ABI3BP: variants seen among roughly 807,000 people sequenced by gnomAD.
The protein encoded by ABI3BP is ABI family member 3 binding protein.
In ABI3BP, 216 loss-of-function variants were observed where a neutral mutation model predicts 268.6. The observed-to-expected ratio is 0.80, with a 90% CI of 0.72 to 0.90. The LOEUF (loss-of-function observed/expected upper bound fraction) is 0.90, where lower values mean the gene tolerates loss of function less well. Ranked by LOEUF, ABI3BP falls within the 40% of genes least tolerant of loss-of-function variation. ABI3BP has a pLI of 0.00. For missense variants in ABI3BP, 2,090 were observed against 2,182.4 expected (o/e 0.96, Z 0.84); for synonymous variants, 730 against 730.0 (o/e 1.00, Z 0.00).
chr3:100,838,179 G>A (rs2098633913), intron 26 of ABI3BP, 31 bp downstream of exon 26: 3 of 1,512,646 alleles, frequency 2.0e-6, no homozygotes, highest in Non-Finnish European at 2.7e-6. Context: ...AGAAAATCCT[G>A]TTAAGCTAAA....
rs186358227 is a variant in ABI3BP at position 100,938,823 on chromosome 3, G to T, written c.80-12342C>A. Among the ~76,000 whole-genome samples, 195 of 152,250 alleles carry T rather than the reference G, an allele frequency of 1.3e-3. 2 individuals are homozygous for T. The highest frequency in any genetic ancestry group is 1.2e-4 in the Non-Finnish European group (8 of 67,992). ...GAAGGAGAGTCTGTGTAAGGTGGTTGTAGAGATGAACAAAGTCATGGCCCC... is the reference window on the plus strand; with the variant it reads ...GAAGGAGAGTCTGTGTAAGGTGGTTTTAGAGATGAACAAAGTCATGGCCCC... On this transcript the variant is annotated intron_variant, in intron 1 of 67. Transcript: ENST00000471714.
intron 67 of ABI3BP, 63 bp from the exon 68 acceptor site, chr3:100,750,673 T>C: frequency 4.2e-6 from 5 of 1,197,190 alleles, no homozygotes; most frequent in African/African-American, 1.5e-5. Context: ...TCACAGCTCA[T>C]AGATTGAAGG....
At chr3:100,929,324 G>C (rs976176493) in intron 1 of ABI3BP, among the ~76,000 whole-genome samples, 1 of 152,040 alleles carries the variant, frequency 6.6e-6, no homozygotes, top group Non-Finnish European at 1.5e-5. Flanking sequence ...AAGGAAGGCT[G>C]TTCCATTTTT....
intron 39 of ABI3BP, among the ~76,000 whole-genome samples, chr3:100,820,782 A>G (rs1294705195): frequency 1.3e-5 from 2 of 152,244 alleles, no homozygotes; most frequent in Non-Finnish European, 2.9e-5. Flanking sequence ...TAACAAAAAA[A>G]TTGGTTAAAA....
At chr3:100,943,046 G>C (rs1238233345) in intron 1 of ABI3BP, among the ~76,000 whole-genome samples, 1 of 152,078 alleles carries the variant, frequency 6.6e-6, no homozygotes, top group Non-Finnish European at 1.5e-5. Context: ...AAGGTAAAAT[G>C]TTATGTTTGG....
chr3:100,776,867 C>T (rs1331329155), intron 59 of ABI3BP, among the ~76,000 whole-genome samples: 1 of 152,198 alleles, frequency 6.6e-6, no homozygotes, highest in Non-Finnish European at 1.5e-5. Context: ...CTCCTTAAGG[C>T]ACACAGCCTC....
At chr3:100,932,399 AACAG>A (rs775059515) in intron 1 of ABI3BP, among the ~76,000 whole-genome samples, 3 of 152,262 alleles carry the variant, frequency 2.0e-5, no homozygotes, top group Non-Finnish European at 4.4e-5. Context: ...CAACAGAGCA[AACAG>A]ACAGCCTATA....
intron 29 of ABI3BP, among the ~76,000 whole-genome samples, 167 bp from the exon 30 acceptor site, chr3:100,833,324 T>C (rs926412836): frequency 6.6e-6 from 1 of 152,180 alleles, no homozygotes; most frequent in Admixed American, 6.5e-5. Flanking sequence ...TTTATTTGCT[T>C]TTATGAAACA....
chr3:100,959,239 C>T (rs978970497), intron 1 of ABI3BP, among the ~76,000 whole-genome samples: 1 of 151,928 alleles, frequency 6.6e-6, no homozygotes, highest in Non-Finnish European at 1.5e-5. Flanking sequence ...GCCTGTAATC[C>T]CAGCACTTTG....
chr3:100,857,083 C>T (rs988889108), intron 14 of ABI3BP, among the ~76,000 whole-genome samples: 23 of 152,214 alleles, frequency 1.5e-4, no homozygotes, highest in Admixed American at 2.6e-4. Context: ...CATGTCTTTT[C>T]CATTCTCAAA....
chr3:100,769,152 C>T (rs544085319), intron 62 of ABI3BP, among the ~76,000 whole-genome samples: 16 of 152,254 alleles, frequency 1.1e-4, no homozygotes, highest in Admixed American at 3.9e-4. Context: ...AACACTAAAA[C>T]AAAATGGAAT....
chr3:100,812,423 G>T, intron 46 of ABI3BP, 44 bp downstream of exon 46: 1 of 1,240,722 alleles, frequency 8.1e-7, no homozygotes, highest in Non-Finnish European at 1.0e-6. Flanking sequence ...GCAATGAGAT[G>T]GAAAAGCACA....
chr3:100,752,722 T>C, intron 66 of ABI3BP, 65 bp downstream of exon 66: 2 of 1,546,964 alleles, frequency 1.3e-6, no homozygotes, highest in Non-Finnish European at 8.7e-7. Flanking sequence ...AAGGCCAAGT[T>C]GTACAATGCT....
chr3:100,818,429 A>C, intron 41 of ABI3BP, 96 bp downstream of exon 41: 1 of 1,035,692 alleles, frequency 9.7e-7, no homozygotes, highest in African/African-American at 1.6e-5. Flanking sequence ...GATGACAAAG[A>C]ATGACAGGAT....
At chr3:100,779,930 T>C (rs1422732672) in intron 58 of ABI3BP, among the ~76,000 whole-genome samples, 1 of 152,204 alleles carries the variant, frequency 6.6e-6, no homozygotes, top group Non-Finnish European at 1.5e-5. Flanking sequence ...TATTAATACT[T>C]AATTTGTGCA....
intron 1 of ABI3BP, among the ~76,000 whole-genome samples, chr3:100,927,519 C>T (rs1247600424): frequency 1.3e-5 from 2 of 152,098 alleles, no homozygotes; most frequent in African/African-American, 2.4e-5. Context: ...TTAATTGGCT[C>T]ATGGTTCCTA....
At chr3:100,794,479 A>G (rs1020319145) in intron 54 of ABI3BP, among the ~76,000 whole-genome samples, 7 of 151,946 alleles carry the variant, frequency 4.6e-5, no homozygotes, top group African/African-American at 1.2e-4. Context: ...TGAGCCCTCT[A>G]GTGTAAGGAC....
At chr3:100,849,420 C>T (rs1007322609) in intron 17 of ABI3BP, among the ~76,000 whole-genome samples, 1 of 152,004 alleles carries the variant, frequency 6.6e-6, no homozygotes, top group Non-Finnish European at 1.5e-5. Context: ...GATGGGATTT[C>T]ACCATTTTGG....
chr3:100,855,353 A>G (rs1160339991), intron 14 of ABI3BP, among the ~76,000 whole-genome samples: 1 of 152,278 alleles, frequency 6.6e-6, no homozygotes, highest in Non-Finnish European at 1.5e-5. Flanking sequence ...AAACCATTGC[A>G]TATGATCAAG....
Sources: allele counts gnomAD v4.1 joint callset (sites outside exome capture counted in the v4.1 genomes callset), GRCh38; gene constraint gnomAD v4.1.1; transcripts MANE v1.5; gene names NCBI Gene and HGNC (gene_info 2026-07-23, HGNC 2026-07-21).